Variants in LRTM3 observed in about 807,000 individuals in gnomAD.
The protein encoded by LRTM3 is leucine-rich repeat transmembrane protein 3.
chr13:102,731,720 C>T, the LRTM3 span: 60 of 1,551,238 alleles, frequency 3.9e-5, no homozygotes, highest in Non-Finnish European at 4.9e-5. Flanking sequence ...TTTGACTTCG[C>T]TACTTTTAAC....
chr13:102,754,405 C>CAAACAAACAT, the LRTM3 span, among the ~76,000 whole-genome samples: 2 of 151,940 alleles, frequency 1.3e-5, no homozygotes, highest in Non-Finnish European at 2.9e-5. Context: ...ACCCCCACAC[C>CAAACAAACAT]CTGTTTTGTT....
chr13:102,748,214 A>T, the LRTM3 span: 12 of 1,551,062 alleles, frequency 7.7e-6, no homozygotes, highest in Non-Finnish European at 8.7e-6. Context: ...CATATTTGTT[A>T]TGTTACTTCC....
chr13:102,730,898 T>C, the LRTM3 span: 3 of 1,551,310 alleles, frequency 1.9e-6, no homozygotes, highest in Non-Finnish European at 2.6e-6. Flanking sequence ...CAAAATTCTG[T>C]TTTGTCGTTT....
At chr13:102,755,017 T>C in the LRTM3 span, among the ~76,000 whole-genome samples, 3 of 152,172 alleles carry the variant, frequency 2.0e-5, no homozygotes, top group Non-Finnish European at 1.5e-5. Context: ...CATGCATCTA[T>C]GGGTAAGGCC....
chr13:102,736,336 C>T, the LRTM3 span: 12 of 1,551,122 alleles, frequency 7.7e-6, no homozygotes, highest in Non-Finnish European at 7.0e-6. Context: ...TGATGCTGAA[C>T]ACTTGTGGAG....
the LRTM3 span, chr13:102,740,049 A>T: frequency 1.9e-6 from 3 of 1,550,192 alleles, no homozygotes; most frequent in Non-Finnish European, 2.6e-6. Context: ...CTTTCTTGCA[A>T]AATAGGCATG....
At chr13:102,745,756 T>C in the LRTM3 span, 7 of 1,551,192 alleles carry the variant, frequency 4.5e-6, no homozygotes, top group Admixed American at 1.4e-4. Flanking sequence ...TTGCATAAAA[T>C]ATGATTTCAT....
At chr13:102,745,289 C>T in the LRTM3 span, 15 of 1,550,586 alleles carry the variant, frequency 9.7e-6, no homozygotes, top group African/African-American at 8.2e-5. Flanking sequence ...TTTAATGTCA[C>T]GTGAAGTAAT....
the LRTM3 span, chr13:102,739,792 G>A: frequency 1.6e-5 from 25 of 1,549,002 alleles, no homozygotes; most frequent in Admixed American, 1.4e-4. Context: ...TCAATTTGAA[G>A]TGAGGTAAAG....
the LRTM3 span, chr13:102,743,050 C>T: frequency 6.5e-7 from 1 of 1,550,158 alleles, no homozygotes; most frequent in Non-Finnish European, 8.7e-7. Context: ...CTCCCAAAAG[C>T]ACATCCTCTG....
At chr13:102,749,428 A>T in the LRTM3 span, 1 of 1,551,390 alleles carries the variant, frequency 6.4e-7, no homozygotes, top group Non-Finnish European at 8.7e-7. Flanking sequence ...TTAAAACGAG[A>T]AATTCAGCAT....
the LRTM3 span, chr13:102,749,757 G>C: frequency 4.5e-6 from 7 of 1,551,252 alleles, no homozygotes; most frequent in Non-Finnish European, 6.1e-6. Context: ...CTAGTAAATT[G>C]GACTTCATAA....
chr13:102,746,029 C>T, the LRTM3 span: 36 of 1,551,166 alleles, frequency 2.3e-5, no homozygotes, highest in Non-Finnish European at 3.1e-5. Context: ...GAGGTGGAAT[C>T]TTAGGACCTC....
the LRTM3 span, chr13:102,758,670 A>G: frequency 4.0e-6 from 6 of 1,516,624 alleles, no homozygotes; most frequent in African/African-American, 8.4e-5. Context: ...TTTGAAAACT[A>G]GGAAAAGGGG....
At chr13:102,740,825 G>A in the LRTM3 span, 3 of 1,549,570 alleles carry the variant, frequency 1.9e-6, no homozygotes, top group Non-Finnish European at 2.6e-6. Context: ...ACTATTGATT[G>A]CCTTTAATGC....
At chr13:102,740,135 ATCT>A in the LRTM3 span, 2 of 1,547,942 alleles carry the variant, frequency 1.3e-6, no homozygotes, top group Non-Finnish European at 1.7e-6. Flanking sequence ...TTGTGTTTCT[ATCT>A]TCTTCCCAAG....
the LRTM3 span, chr13:102,746,787 G>A: frequency 1.3e-6 from 2 of 1,551,168 alleles, no homozygotes; most frequent in South Asian, 1.2e-5. Flanking sequence ...CCATTACTTG[G>A]AATATAACTT....
chr13:102,752,439 G>C, the LRTM3 span, among the ~76,000 whole-genome samples: 1 of 152,082 alleles, frequency 6.6e-6, no homozygotes, highest in South Asian at 2.1e-4. Flanking sequence ...TGTCAGAATG[G>C]CTACCCTGCA....
the LRTM3 span, chr13:102,733,676 C>A: frequency 6.4e-7 from 1 of 1,551,296 alleles, no homozygotes. Context: ...CCATTCCGGC[C>A]TTTTCCCACT....
Sources: allele counts gnomAD v4.1 joint callset (sites outside exome capture counted in the v4.1 genomes callset), GRCh38; gene constraint gnomAD v4.1.1; transcripts MANE v1.5; gene names NCBI Gene and HGNC (gene_info 2026-07-23, HGNC 2026-07-21).